Variants in SPOCK1 observed in about 807,000 individuals in gnomAD.
The protein encoded by SPOCK1 is SPARC (osteonectin), cwcv and kazal like domains proteoglycan 1.
In SPOCK1, 23 loss-of-function variants were observed where a neutral mutation model predicts 55.3. The ratio of observed to expected loss-of-function variants is 0.42; its 90% CI spans 0.30 to 0.59. SPOCK1 has a LOEUF of 0.59. Ranked by LOEUF, SPOCK1 falls within the 20% of genes least tolerant of loss-of-function variation. The probability of loss-of-function intolerance (pLI) is 0.22; values close to 1 mark genes in which losing one functional copy is unlikely to be tolerated. For synonymous variants in SPOCK1, 226 were observed against 221.0 expected, an observed-to-expected ratio of 1.02 and a Z score of -0.20; for missense variants, 499 against 552.5, an observed-to-expected ratio of 0.90 and a Z score of 0.97.
chr5:137,357,242 A>G (rs1036035555), intron 2 of SPOCK1, among the ~76,000 whole-genome samples: 1 of 152,136 alleles, frequency 6.6e-6, no homozygotes, highest in Non-Finnish European at 1.5e-5. Flanking sequence ...AACTCCATCC[A>G]TTCAGCTAAT....
chr5:137,463,834 G>C (rs1223774060), intron 2 of SPOCK1, among the ~76,000 whole-genome samples: 1 of 152,144 alleles, frequency 6.6e-6, no homozygotes, highest in Non-Finnish European at 1.5e-5. Flanking sequence ...TGTAGTCCCA[G>C]CTACTCCGGA....
rs569817138 is a variant in SPOCK1, at chr5:137,145,830, C to T, written c.233-5136G>A. On this transcript the variant is annotated intron_variant, in intron 3 of 10. Coordinates refer to ENST00000394945, the MANE Select transcript of SPOCK1 (RefSeq NM_004598.4). ...AGATAATAGGATGAGGAAGAACACT[C>T]CAGATAACAGGAAGTTGTCTTTCCA... Among the ~76,000 whole-genome samples the T allele has an allele frequency of 2.0e-5, 3 of 152,288 alleles. No homozygotes were observed. The East Asian group carries it at 5.8e-4, about 29-fold the overall frequency.
intron 2 of SPOCK1, among the ~76,000 whole-genome samples, chr5:137,319,774 T>C (rs1411481571): frequency 6.6e-6 from 1 of 150,604 alleles, no homozygotes; most frequent in Non-Finnish European, 1.5e-5. Context: ...TGAAACCCCG[T>C]CTCTACTAAA....
chr5:137,436,236 C>A (rs1752862698), intron 2 of SPOCK1, among the ~76,000 whole-genome samples: 1 of 151,926 alleles, frequency 6.6e-6, no homozygotes, highest in Admixed American at 6.5e-5. Context: ...TGTTGACTTC[C>A]CTAATGTCAG....
chr5:136,988,633 A>G lies in SPOCK1; in HGVS notation c.717T>C (p.Thr239=). The change falls in exon 8 of 11, where the codon ACT becomes ACC. Residue 239 remains threonine (T), a synonymous_variant. Coordinates refer to ENST00000394945, the MANE Select transcript of SPOCK1 (RefSeq NM_004598.4). ...SSNTAQGRFD[T]SILPICKDSL... ...AGTCCTTGCAGATGGGCAGGATGCT[A>G]GTGTCAAACCCTGCCAAACAAAAGG... 6.2e-7 allele frequency: 1 copy of G among 1,612,690 alleles called. No individual in the cohort carries two copies. The highest frequency in any genetic ancestry group is 8.5e-7 in the Non-Finnish European group (1 of 1,179,116).
At chr5:137,139,820 T>G (rs1754060318) in intron 4 of SPOCK1, among the ~76,000 whole-genome samples, 1 of 152,190 alleles carries the variant, frequency 6.6e-6, no homozygotes, top group Non-Finnish European at 1.5e-5. Flanking sequence ...CCCGTTTGCA[T>G]GTGTATGTTT....
At chr5:137,085,214 C>T (rs1017334372) in intron 5 of SPOCK1, among the ~76,000 whole-genome samples, 4 of 152,094 alleles carry the variant, frequency 2.6e-5, no homozygotes, top group Non-Finnish European at 5.9e-5. Flanking sequence ...ACCTGGCCCA[C>T]CCTACGCTCA....
intron 6 of SPOCK1, among the ~76,000 whole-genome samples, chr5:137,010,418 T>A (rs1751328877): frequency 6.6e-6 from 1 of 151,660 alleles, no homozygotes; most frequent in African/African-American, 2.4e-5. Context: ...GAAAATGGAC[T>A]TGCGAGGAAG....
intron 2 of SPOCK1, among the ~76,000 whole-genome samples, chr5:137,455,738 T>C (rs983210614): frequency 6.6e-6 from 1 of 152,084 alleles, no homozygotes; most frequent in African/African-American, 2.4e-5. Flanking sequence ...GGCTTAAGAT[T>C]CAGAGACTTC....
chr5:137,448,843 C>A (rs1210545602), intron 2 of SPOCK1, among the ~76,000 whole-genome samples: 1 of 152,218 alleles, frequency 6.6e-6, no homozygotes, highest in African/African-American at 2.4e-5. Flanking sequence ...ACTTTCTGTG[C>A]CCTCCCAACT....
chr5:137,261,445 G>A (rs1756741007), intron 3 of SPOCK1, among the ~76,000 whole-genome samples: 1 of 152,172 alleles, frequency 6.6e-6, no homozygotes. Context: ...CCTCAAAATA[G>A]TTCAGGGCTT....
chr5:137,345,423 T>C (rs982166820), intron 2 of SPOCK1, among the ~76,000 whole-genome samples: 4 of 152,168 alleles, frequency 2.6e-5, no homozygotes, highest in Non-Finnish European at 5.9e-5. Context: ...TTGCAGTAAA[T>C]ACTCCTCCTG....
At chr5:137,422,727 T>C (rs1366569332) in intron 2 of SPOCK1, among the ~76,000 whole-genome samples, 1 of 152,184 alleles carries the variant, frequency 6.6e-6, no homozygotes, top group African/African-American at 2.4e-5. Context: ...GCCATGGCTT[T>C]GAACTTCCTC....
chr5:137,308,065 C>A (rs183983585), intron 2 of SPOCK1, among the ~76,000 whole-genome samples: 1 of 152,186 alleles, frequency 6.6e-6, no homozygotes, highest in Non-Finnish European at 1.5e-5. Context: ...GCTCAACAAA[C>A]AGCAGGTGCT....
chr5:137,333,315 A>C lies in SPOCK1; in HGVS notation c.187-66260T>G, dbSNP rs544324889. Among the ~76,000 whole-genome samples, 8 of 152,322 alleles carry C rather than the reference A, an allele frequency of 5.3e-5. No individual in the cohort carries two copies. In the South Asian group the frequency reaches 1.7e-3, roughly 32 times the overall value. On this transcript the variant is annotated intron_variant, in intron 2 of 10. Transcript: ENST00000394945. ...GACACTGAAGGCTTTTGGATAAAGG[A>C]GTGACTTAGTGAACATGATGTCCTA...
intron 6 of SPOCK1, among the ~76,000 whole-genome samples, chr5:137,000,894 G>A (rs1166892442): frequency 6.6e-6 from 1 of 152,126 alleles, no homozygotes; most frequent in Non-Finnish European, 1.5e-5. Flanking sequence ...AATTATCTGG[G>A]CTTGGTGGCA....
At chr5:137,176,966 C>A (rs1237711689) in intron 3 of SPOCK1, among the ~76,000 whole-genome samples, 1 of 152,126 alleles carries the variant, frequency 6.6e-6, no homozygotes, top group Admixed American at 6.6e-5. Flanking sequence ...TCCACTAATC[C>A]ATTTGCTTTC....
intron 6 of SPOCK1, among the ~76,000 whole-genome samples, chr5:137,025,313 C>CA (rs1249880914): frequency 1.3e-5 from 2 of 151,782 alleles, no homozygotes; most frequent in African/African-American, 4.8e-5. Flanking sequence ...GAAATTTTTT[C>CA]AAAAAAGACT....
At chr5:137,290,601 G>A (rs775667448) in intron 2 of SPOCK1, among the ~76,000 whole-genome samples, 3 of 152,186 alleles carry the variant, frequency 2.0e-5, no homozygotes, top group East Asian at 1.9e-4. Context: ...GCACACATGC[G>A]TATCACATTT....
Sources: gnomAD v4.1 joint callset for allele counts (sites outside exome capture counted in the v4.1 genomes callset) on GRCh38, gnomAD v4.1.1 for gene constraint, MANE v1.5 for transcripts, NCBI Gene and HGNC (gene_info 2026-07-23, HGNC 2026-07-21) for gene names.